NIBAN1: variants seen among roughly 807,000 people sequenced by gnomAD.
The protein encoded by NIBAN1 is niban apoptosis regulator 1.
A neutral mutation model predicts 75.1 loss-of-function variants in NIBAN1; 81 were observed. The observed-to-expected ratio is 1.08, with a 90% CI of 0.90 to 1.30. The LOEUF is 1.30. Ranked by LOEUF, NIBAN1 falls within the 50% of genes most tolerant of loss-of-function variation. The pLI is 0.00. For synonymous variants in NIBAN1, 436 were observed against 424.8 expected (o/e 1.03, Z -0.32); for missense variants, 1,133 against 1,128.1 (o/e 1.00, Z -0.06).
At chr1:184,879,151 T>C (rs976270952) in intron 5 of NIBAN1, among the ~76,000 whole-genome samples, 14 of 152,216 alleles carry the variant, frequency 9.2e-5, no homozygotes, top group Non-Finnish European at 1.8e-4. Context: ...TACTTATTTA[T>C]TAACAGTAAC....
rs1557881039 is a variant in NIBAN1 at position 184,831,964 on chromosome 1, T to C, written c.602-2A>G. The C allele has an allele frequency of 6.2e-7, 1 of 1,609,432 alleles. No homozygotes were observed. ...CAAATGTCATCTGCTTCATGTAATCTAAAGAAAAGAAGAAAGGGCATTCAG... is the reference window on the plus strand; with the variant it reads ...CAAATGTCATCTGCTTCATGTAATCCAAAGAAAAGAAGAAAGGGCATTCAG... On this transcript the variant is annotated splice_acceptor_variant, in intron 5 of 13. Coordinates refer to ENST00000367511, the MANE Select transcript of NIBAN1 (RefSeq NM_052966.4). LOFTEE classifies it high-confidence loss of function.
intron 11 of NIBAN1, among the ~76,000 whole-genome samples, 190 bp downstream of exon 11, chr1:184,805,756 G>A (rs1654178598): frequency 6.6e-6 from 1 of 152,164 alleles, no homozygotes; most frequent in Non-Finnish European, 1.5e-5. Flanking sequence ...AGCAGTGGCC[G>A]CTAGATGGCA....
rs528247650 is a variant in NIBAN1, at chr1:184,908,490, A to G, written c.56-9181T>C. Among the ~76,000 whole-genome samples, 7 of 152,298 alleles carry G rather than the reference A, an allele frequency of 4.6e-5. No homozygotes were observed. The South Asian group carries it at 1.0e-3, about 23-fold the overall frequency. On this transcript the variant is annotated intron_variant, in intron 1 of 13. Coordinates refer to ENST00000367511, the MANE Select transcript of NIBAN1 (RefSeq NM_052966.4). The stretch of plus-strand genomic sequence containing the variant: ...GTTACTATTCCCACTACCTTATTCC[A>G]TAGAGAAACTAAAATCCCGCTGTGG...
intron 11 of NIBAN1, among the ~76,000 whole-genome samples, chr1:184,804,717 T>A (rs1654141566): frequency 6.6e-6 from 1 of 152,196 alleles, no homozygotes; most frequent in Non-Finnish European, 1.5e-5. Flanking sequence ...TATCTTTTTT[T>A]TTTTAGTTGC....
At chr1:184,904,549 A>G (rs1657041096) in intron 1 of NIBAN1, among the ~76,000 whole-genome samples, 2 of 152,238 alleles carry the variant, frequency 1.3e-5, no homozygotes, top group East Asian at 1.9e-4. Flanking sequence ...CCCAGATCCA[A>G]TCATCAGATC....
chr1:184,855,420 A>C (rs902977830), intron 5 of NIBAN1, among the ~76,000 whole-genome samples: 15 of 152,058 alleles, frequency 9.9e-5, no homozygotes, highest in South Asian at 2.1e-4. Context: ...TATTGCTAGT[A>C]TTCCTTATAG....
intron 5 of NIBAN1, 48 bp from the exon 6 acceptor site, chr1:184,832,010 T>G (rs1450414804): frequency 7.3e-7 from 1 of 1,362,926 alleles, no homozygotes; most frequent in Non-Finnish European, 1.1e-6. Context: ...CACTCTAGAT[T>G]TCCCCATAGC....
At chr1:184,819,418 G>A (rs758843274) in intron 8 of NIBAN1, among the ~76,000 whole-genome samples, 10 of 152,082 alleles carry the variant, frequency 6.6e-5, no homozygotes, top group Non-Finnish European at 1.3e-4. Flanking sequence ...GACATGCTTA[G>A]TGACAAAAAT....
chr1:184,943,756 A>G (rs1658154331), intron 1 of NIBAN1, among the ~76,000 whole-genome samples: 1 of 152,132 alleles, frequency 6.6e-6, no homozygotes, highest in Admixed American at 6.5e-5. Context: ...GACTCCCAAA[A>G]TCTTTGCTCA....
At chr1:184,878,196 A>G (rs1656282398) in intron 5 of NIBAN1, among the ~76,000 whole-genome samples, 1 of 152,206 alleles carries the variant, frequency 6.6e-6, no homozygotes, top group Non-Finnish European at 1.5e-5. Context: ...TGCTGGGGAG[A>G]AACACTGAAT....
intron 9 of NIBAN1, 131 bp downstream of exon 9, chr1:184,818,507 A>T: frequency 2.3e-6 from 2 of 873,156 alleles, no homozygotes; most frequent in Non-Finnish European, 3.5e-6. Flanking sequence ...GGCTGGATGA[A>T]TGGAGGGAAG....
intron 5 of NIBAN1, among the ~76,000 whole-genome samples, chr1:184,845,209 T>A (rs2102257299): frequency 6.6e-6 from 1 of 152,336 alleles, no homozygotes; most frequent in Admixed American, 6.5e-5. Flanking sequence ...AAGGGATCCA[T>A]TTAACAGAGC....
intron 1 of NIBAN1, among the ~76,000 whole-genome samples, chr1:184,911,605 A>G (rs1033119246): frequency 3.3e-5 from 5 of 152,222 alleles, no homozygotes; most frequent in African/African-American, 1.2e-4. Flanking sequence ...AATTAGGTAG[A>G]TTTTCTTATC....
intron 3 of NIBAN1, among the ~76,000 whole-genome samples, chr1:184,890,768 A>G (rs934771382): frequency 6.6e-6 from 1 of 152,212 alleles, no homozygotes; most frequent in African/African-American, 2.4e-5. Flanking sequence ...TTTGCAGCAA[A>G]ATGGTTGAGA....
At chr1:184,954,034 G>T (rs1164825226) in intron 1 of NIBAN1, among the ~76,000 whole-genome samples, 2 of 152,208 alleles carry the variant, frequency 1.3e-5, no homozygotes, top group Admixed American at 6.5e-5. Flanking sequence ...GAAAGATTAT[G>T]TATTGGTACT....
chr1:184,815,630 TA>T (rs1260369221), intron 9 of NIBAN1, among the ~76,000 whole-genome samples: 1 of 152,212 alleles, frequency 6.6e-6, no homozygotes, highest in Non-Finnish European at 1.5e-5. Context: ...TATGTGCACT[TA>T]TAGGGTATAA....
intron 1 of NIBAN1, among the ~76,000 whole-genome samples, chr1:184,927,914 G>A (rs1334058618): frequency 6.6e-6 from 1 of 151,840 alleles, no homozygotes; most frequent in Non-Finnish European, 1.5e-5. Context: ...ACAAGCAGAA[G>A]AGTCTCTCTC....
intron 9 of NIBAN1, among the ~76,000 whole-genome samples, chr1:184,816,146 T>C (rs1654525849): frequency 6.6e-6 from 1 of 152,212 alleles, no homozygotes; most frequent in Admixed American, 6.5e-5. Flanking sequence ...CATTCTTTAA[T>C]CTATTTAATT....
intron 5 of NIBAN1, among the ~76,000 whole-genome samples, chr1:184,877,344 A>C (rs927280200): frequency 2.6e-5 from 4 of 152,140 alleles, no homozygotes; most frequent in Non-Finnish European, 5.9e-5. Flanking sequence ...AAAATCTAGT[A>C]TGGAGCTTTC....
Sources: allele counts gnomAD v4.1 joint callset (sites outside exome capture counted in the v4.1 genomes callset), GRCh38; gene constraint gnomAD v4.1.1; transcripts MANE v1.5; gene names NCBI Gene and HGNC (gene_info 2026-07-23, HGNC 2026-07-21).